The following PPM1A variants were observed in gnomAD, a reference collection of about 807,000 sequenced individuals.
The protein encoded by PPM1A is protein phosphatase 1A.
Under a neutral mutation model 35.0 loss-of-function variants are expected in PPM1A, and 7 were observed. That is an observed-to-expected ratio of 0.20 (90% CI 0.11 to 0.38). PPM1A has a LOEUF of 0.38. Among genes scored for constraint, PPM1A ranks in the 10% least tolerant of loss-of-function variants. The pLI, the probability that PPM1A is intolerant of heterozygous loss-of-function variation, is 1.00. For synonymous variants in PPM1A, 153 were observed against 167.3 expected, an observed-to-expected ratio of 0.91 and a Z score of 0.66; for missense variants, 239 against 467.8, an observed-to-expected ratio of 0.51 and a Z score of 4.51.
At chr14:60,248,993 G>T (rs1001118624), upstream of PPM1A, among the ~76,000 whole-genome samples, 4 of 152,286 alleles carry the variant, frequency 2.6e-5, no homozygotes, top group Non-Finnish European at 5.9e-5. Context: ...CAAAGGCGGC[G>T]GCAGCAGCAG....
chr14:60,258,774 T>C (rs1225975268), intron 1 of PPM1A, among the ~76,000 whole-genome samples: 1 of 152,076 alleles, frequency 6.6e-6, no homozygotes, highest in Non-Finnish European at 1.5e-5. Flanking sequence ...AGCCAAGGTA[T>C]AATGGCTGTT....
intron 1 of PPM1A, among the ~76,000 whole-genome samples, chr14:60,278,310 G>A (rs980597684): frequency 6.7e-6 from 1 of 150,042 alleles, no homozygotes; most frequent in African/African-American, 2.5e-5. Flanking sequence ...TTCATGGTTT[G>A]CGGTTTGCTT....
At chr14:60,274,043 CAG>C (rs1227289026) in intron 1 of PPM1A, among the ~76,000 whole-genome samples, 3 of 152,090 alleles carry the variant, frequency 2.0e-5, no homozygotes, top group Non-Finnish European at 2.9e-5. Flanking sequence ...TGAGGGTGCT[CAG>C]GGAGGCAGCA....
chr14:60,256,306 C>T lies in PPM1A; in HGVS notation c.-21+6629C>T, dbSNP rs892406976. ...TGGTGGCACGGGCATGGTGGCCACC[C>T]GCCTGTAGTCCCAGCTACCCAGGAG... is the stretch of plus-strand genomic sequence containing the variant. On this transcript the variant is annotated intron_variant, in intron 1 of 5. Transcript: ENST00000395076. Among the ~76,000 whole-genome samples the T allele has an allele frequency of 4.3e-4, 66 of 152,198 alleles. 1 individual carries two copies. Among genetic ancestry groups the T allele is most frequent in the African/African-American group, 1.3e-3 (55 of 41,534 alleles).
intron 1 of PPM1A, among the ~76,000 whole-genome samples, chr14:60,279,447 AC>A (rs1225610853): frequency 6.6e-6 from 1 of 152,202 alleles, no homozygotes; most frequent in African/African-American, 2.4e-5. Context: ...CAGTTTACAC[AC>A]AACCCAGCTG....
intron 1 of PPM1A, among the ~76,000 whole-genome samples, chr14:60,254,680 C>G (rs1357786275): frequency 6.6e-6 from 1 of 152,164 alleles, no homozygotes; most frequent in Non-Finnish European, 1.5e-5. Flanking sequence ...GTGGGTCTTA[C>G]TACTGCAGAC....
rs1882012509 is a variant in PPM1A, at chr14:60,249,225, G to A, written c.-473G>A. 1.0e-6 allele frequency: 1 copy of A among 978,264 alleles called. No homozygotes were observed. Among genetic ancestry groups the A allele is most frequent in the Non-Finnish European group, 1.2e-6 (1 of 823,498 alleles). The allele number at this position is 978,264 out of a possible 1,614,324, so 60.6% of individuals were successfully genotyped here. On this transcript the variant is annotated 5_prime_UTR_variant, in exon 1 of 6. Transcript: ENST00000395076. The surrounding 1 kb of genome is among the most constrained non-coding windows in gnomAD (Gnocchi z 4.5). ...GCGCCTGCGCGGGGCCGCGCTAGAG[G>A]CGGCGGCGGCGGCGGTGGCGGCGCT...
chr14:60,284,279 GT>G (rs1408230388), intron 2 of PPM1A, among the ~76,000 whole-genome samples: 3 of 152,162 alleles, frequency 2.0e-5, no homozygotes, highest in Non-Finnish European at 4.4e-5. Context: ...ACCTCTATTA[GT>G]TTTGTACTCT....
rs1299831767 is a variant in PPM1A at position 60,295,948 on chromosome 14, T to G, written c.*3466T>G. On this transcript the variant is annotated 3_prime_UTR_variant, in exon 6 of 6. Coordinates refer to ENST00000395076, the MANE Select transcript of PPM1A (RefSeq NM_021003.5). ...ATTTTGCTTAGCATAAGAATAAAAT[T>G]GGACTGAAGAGGCTTAAGCCCATTC... 1 of 151,646 alleles carries G rather than the reference T, an allele frequency of 6.6e-6. No individual in the cohort carries two copies. Among genetic ancestry groups the G allele is most frequent in the African/African-American group, 2.4e-5 (1 of 41,386 alleles). The allele number at this position is 151,646 out of a possible 1,614,324, so 9.4% of individuals were successfully genotyped here. A position where few individuals can be genotyped will look rare whatever the true frequency, so the allele number is the denominator to read the frequency against.
intron 3 of PPM1A, chr14:60,286,673 C>A: frequency 3.0e-6 from 3 of 984,784 alleles, no homozygotes; most frequent in Non-Finnish European, 3.6e-6. Context: ...AATTACTACT[C>A]ACTTTAATTT....
rs878987975 is a variant in PPM1A, at chr14:60,249,357, A to C, written c.-341A>C. 4.9e-6 allele frequency: 1 copy of C among 205,356 alleles called. No individual in the cohort carries two copies. Among genetic ancestry groups the C allele is most frequent in the Admixed American group, 1.3e-3 (1 of 752 alleles). The allele number at this position is 205,356 out of a possible 1,614,324, so 12.7% of individuals were successfully genotyped here. The stretch of plus-strand genomic sequence containing the variant: ...GTTGCTCCGGAACGGGTGGTTGGGG[A>C]GGGGGGGGTGGGGGGACTCTAGACA... On this transcript the variant is annotated 5_prime_UTR_variant, in exon 1 of 6. Transcript: ENST00000395076. This position sits in a 1 kb window ranked among gnomAD's most constrained non-coding sequence, Gnocchi z 4.5.
intron 3 of PPM1A, 82 bp downstream of exon 3, chr14:60,285,823 A>ATT: frequency 6.4e-7 from 1 of 1,555,778 alleles, no homozygotes; most frequent in Non-Finnish European, 8.7e-7. Flanking sequence ...TAGCTTTTAG[A>ATT]TTTTTATGTG....
At chr14:60,255,169 T>TG (rs1487528031) in intron 1 of PPM1A, among the ~76,000 whole-genome samples, 23 of 106,842 alleles carry the variant, frequency 2.2e-4, no homozygotes, top group Admixed American at 1.4e-3. Flanking sequence ...GTTTTTTTTT[T>TG]TTTTGTTTTG....
Position 60,249,568 on chromosome 14 carries a change from C to A in PPM1A, c.-130C>A. ...AGCCTGACCTGGCCCGCCGCTGCAG[C>A]GGTGACCCCTCCCCCGGCTGCCGCC... On this transcript the variant is annotated 5_prime_UTR_variant, in exon 1 of 6. Coordinates refer to ENST00000395076, the MANE Select transcript of PPM1A (RefSeq NM_021003.5). This position sits in a 1 kb window ranked among gnomAD's most constrained non-coding sequence, Gnocchi z 4.5. The A allele has an allele frequency of 2.0e-6, 2 of 986,166 alleles. No individual in the cohort carries two copies. Among genetic ancestry groups the A allele is most frequent in the Non-Finnish European group, 2.4e-6 (2 of 830,504 alleles). 61.1% of individuals were successfully genotyped at this position (986,166 alleles called of 1,614,324 possible).
intron 1 of PPM1A, among the ~76,000 whole-genome samples, chr14:60,266,961 A>G (rs1284064879): frequency 6.6e-6 from 1 of 151,950 alleles, no homozygotes; most frequent in African/African-American, 2.4e-5. Context: ...AAAAGGTTCT[A>G]TTTCTTGTTA....
At chr14:60,279,888 A>T (rs774048695) in intron 1 of PPM1A, among the ~76,000 whole-genome samples, 11 of 148,764 alleles carry the variant, frequency 7.4e-5, no homozygotes, top group African/African-American at 2.8e-4. Flanking sequence ...TAAAAATTAT[A>T]TAATAATATC....
At chr14:60,287,205 T>G (rs912629753) in intron 3 of PPM1A, 1 of 948,926 alleles carries the variant, frequency 1.1e-6, no homozygotes, top group Non-Finnish European at 1.3e-6. Flanking sequence ...ACTTTAAGTT[T>G]TAGATGGAAT....
At chr14:60,291,342 C>CT (rs1297916816) in intron 4 of PPM1A, 55 bp from the exon 5 acceptor site, 2 of 1,250,892 alleles carry the variant, frequency 1.6e-6, no homozygotes, top group Non-Finnish European at 2.2e-6. Context: ...CTATGAGTTA[C>CT]TAAGCAATGT....
At position 60,283,485 on chromosome 14, in the gene PPM1A, C is replaced by G. The variant is rs1238169498; in HGVS notation, c.782C>G (p.Thr261Ser). ...TTTGTAAGATCCAGACTTGAAGTCA[C>G]TGATGACCTTGAGAAAGTTTGCAAT... The part of the protein sequence containing the change: ...CDFVRSRLEV[T>S]DDLEKVCNEV... The change falls in exon 2 of 6, where the codon ACT becomes AGT. Residue 261 changes from threonine (T) to serine (S), a missense_variant. Physicochemically the swap from Thr to Ser is moderately conservative, Grantham distance 58. This residue lies in a region of PPM1A where 175 missense variants were observed against 389.2 expected (regional missense o/e 0.45). Transcript: ENST00000395076. The surrounding 1 kb of genome is among the most constrained non-coding windows in gnomAD (Gnocchi z 6.3). 7 of 1,613,720 alleles carry G rather than the reference C, an allele frequency of 4.3e-6. No homozygotes were observed. The African/African-American group carries it at 9.3e-5, about 22-fold the overall frequency.
Sources: gnomAD v4.1 joint callset for allele counts (sites outside exome capture counted in the v4.1 genomes callset) on GRCh38, gnomAD v4.1.1 for gene constraint, gnomAD v4.1.1 regional missense constraint, Gnocchi (gnomAD v3.1) non-coding constraint, MANE v1.5 for transcripts, NCBI Gene and HGNC (gene_info 2026-07-23, HGNC 2026-07-21) for gene names.